Variants in ARHGEF18 observed in about 807,000 individuals in gnomAD.
ARHGEF18 encodes rho guanine nucleotide exchange factor 18.
Under a neutral mutation model 155.7 loss-of-function variants are expected in ARHGEF18, and 93 were observed. The observed-to-expected ratio is 0.60, with a 90% confidence interval of 0.50 to 0.71. The LOEUF is 0.71. Ranked by LOEUF, ARHGEF18 falls within the 30% of genes least tolerant of loss-of-function variation. The pLI is 0.00. For missense variants in ARHGEF18, 1,593 were observed against 1,816.1 expected (o/e 0.88, Z 2.23); for synonymous variants, 742 against 753.1 (o/e 0.99, Z 0.24).
chr19:7,385,819 ATCTATCTCTCTCTATCTCTCTC>A (rs1970983834), intron 10 of ARHGEF18, among the ~76,000 whole-genome samples: 1 of 89,328 alleles, frequency 1.1e-5, no homozygotes. Flanking sequence ...TAGAGATAGG[ATCTATCTCTCTCTATCTCTCTC>A]TCTCTCTCTC....
At chr19:7,464,009 C>T (rs1434885479) in intron 22 of ARHGEF18, 54 bp downstream of exon 22, 2 of 1,511,274 alleles carry the variant, frequency 1.3e-6, no homozygotes, top group African/African-American at 1.4e-5. Context: ...TCAGGATGCA[C>T]ATTAACTTGT....
At chr19:7,411,001 C>A (rs913787213) in intron 10 of ARHGEF18, among the ~76,000 whole-genome samples, 2 of 151,938 alleles carry the variant, frequency 1.3e-5, no homozygotes, top group African/African-American at 4.8e-5. Context: ...GAAATACTCA[C>A]AAGGCAGATG....
rs146617668 is a variant in ARHGEF18, at chr19:7,360,924, A to G, written c.-110-1857A>G. Among the ~76,000 whole-genome samples the G allele has an allele frequency of 1.4e-3, 216 of 152,274 alleles. 2 individuals are homozygous for G. The highest frequency in any genetic ancestry group is 5.0e-3 in the African/African-American group (208 of 41,568). On this transcript the variant is annotated intron_variant, in intron 1 of 28. Coordinates refer to ENST00000668164, the MANE Select transcript of ARHGEF18 (RefSeq NM_001367823.1). ...CGGGAGGGCAACCTGGAAAGCAGTG[A>G]TGGTGGAAACCCTGGCATTGCTCGT...
intron 10 of ARHGEF18, among the ~76,000 whole-genome samples, chr19:7,415,627 G>C (rs936415728): frequency 6.6e-6 from 1 of 151,750 alleles, no homozygotes; most frequent in African/African-American, 2.4e-5. Context: ...TTCTCTGACC[G>C]GTCCAGACCA....
chr19:7,370,683 T>C (rs1232992183), intron 2 of ARHGEF18, among the ~76,000 whole-genome samples: 2 of 152,152 alleles, frequency 1.3e-5, no homozygotes, highest in Non-Finnish European at 2.9e-5. Context: ...AGGTGTCTGC[T>C]GATGGATGGA....
chr19:7,469,085 G>A lies in ARHGEF18; in HGVS notation c.3741G>A (p.Lys1247=). 6.2e-7 allele frequency: 1 copy of A among 1,609,210 alleles called. No individual in the cohort carries two copies. The highest frequency in any genetic ancestry group is 2.2e-5 in the East Asian group (1 of 44,770). Reference sequence around the variant, plus strand: ...TGGCGGCCTCCACCAAGGGTGGCAAGGACAAGGGCGGCAAGAGCAGGGGCT... The same window carrying A: ...TGGCGGCCTCCACCAAGGGTGGCAAAGACAAGGGCGGCAAGAGCAGGGGCT... The part of the protein sequence containing the change: ...TKLAASTKGG[K]DKGGKSRGSQ... The change falls in exon 27 of 29, where the codon AAG becomes AAA. Residue 1247 remains lysine, a synonymous_variant. Transcript: ENST00000668164.
intron 5 of ARHGEF18, 30 bp from the exon 6 acceptor site, chr19:7,378,364 G>A (rs1018936922): frequency 3.2e-6 from 4 of 1,233,864 alleles, no homozygotes; most frequent in Non-Finnish European, 3.0e-6. Context: ...CCTGACAACT[G>A]TGCTTCCTGG....
intron 18 of ARHGEF18, among the ~76,000 whole-genome samples, chr19:7,457,932 C>T (rs527414102): frequency 3.3e-5 from 5 of 151,870 alleles, no homozygotes; most frequent in Non-Finnish European, 7.4e-5. Context: ...TGAGCTTTCT[C>T]GTGTGTATGT....
downstream of ARHGEF18, among the ~76,000 whole-genome samples, chr19:7,475,515 A>T (rs1977207992): frequency 6.8e-6 from 1 of 146,092 alleles, no homozygotes; most frequent in Admixed American, 6.8e-5. Context: ...TATTTCCATA[A>T]AACTGTTTAA....
At chr19:7,385,816 A>C in intron 10 of ARHGEF18, among the ~76,000 whole-genome samples, 1 of 134,820 alleles carries the variant, frequency 7.4e-6, no homozygotes, top group Non-Finnish European at 1.5e-5. Context: ...TTTTAGAGAT[A>C]GGATCTATCT....
chr19:7,471,879 CCGA>C lies in ARHGEF18; in HGVS notation c.*1586_*1588del, dbSNP rs965570145. The C allele has an allele frequency of 6.6e-6, 1 of 152,372 alleles. No homozygotes were observed. The highest frequency in any genetic ancestry group is 1.5e-5 in the Non-Finnish European group (1 of 68,086). 9.4% of individuals were successfully genotyped at this position (152,372 alleles called of 1,614,324 possible). ...AGGTGTCCCCAGGCTCCTGGCCCCT[CCGA>C]CGACCTCAACTCTGCCCAGCCCGGT... On this transcript the variant is annotated 3_prime_UTR_variant, in exon 29 of 29. Coordinates refer to ENST00000668164, the MANE Select transcript of ARHGEF18 (RefSeq NM_001367823.1). This position sits in a 1 kb window ranked among gnomAD's most constrained non-coding sequence, Gnocchi z 4.4.
chr19:7,377,267 C>T (rs1301162081), intron 5 of ARHGEF18, among the ~76,000 whole-genome samples: 3 of 152,036 alleles, frequency 2.0e-5, no homozygotes, highest in Non-Finnish European at 4.4e-5. Context: ...CACAGGGTTT[C>T]GCCATGTTGG....
chr19:7,362,965 T>A, intron 2 of ARHGEF18, 60 bp downstream of exon 2: 2 of 1,234,148 alleles, frequency 1.6e-6, no homozygotes, highest in African/African-American at 3.1e-5. Flanking sequence ...GCAAGTACAC[T>A]TTGTTTAGCA....
At chr19:7,352,115 G>A (rs1163201737) in intron 1 of ARHGEF18, among the ~76,000 whole-genome samples, 1 of 152,102 alleles carries the variant, frequency 6.6e-6, no homozygotes, top group Non-Finnish European at 1.5e-5. Flanking sequence ...CTGATTAAAT[G>A]CCAGGCCTTG....
At chr19:7,356,135 C>T (rs1336025864) in intron 1 of ARHGEF18, among the ~76,000 whole-genome samples, 2 of 152,020 alleles carry the variant, frequency 1.3e-5, no homozygotes, top group African/African-American at 4.8e-5. Flanking sequence ...CACATACACA[C>T]ACACATCGGC....
chr19:7,358,814 A>G (rs573444904), intron 1 of ARHGEF18, among the ~76,000 whole-genome samples: 3 of 152,298 alleles, frequency 2.0e-5, no homozygotes, highest in African/African-American at 7.2e-5. Context: ...CTGTGAGTAT[A>G]GAAGAGTGAA....
chr19:7,360,584 C>G (rs1165965743), intron 1 of ARHGEF18, among the ~76,000 whole-genome samples: 1 of 152,186 alleles, frequency 6.6e-6, no homozygotes, highest in East Asian at 1.9e-4. Flanking sequence ...CTTCAGGGTT[C>G]ACAGATACAG....
At chr19:7,394,672 C>A (rs1215165763) in intron 10 of ARHGEF18, among the ~76,000 whole-genome samples, 1 of 151,034 alleles carries the variant, frequency 6.6e-6, no homozygotes, top group African/African-American at 2.4e-5. Context: ...CAGGGTCCCC[C>A]TAACTGTGCT....
chr19:7,471,626 G>C lies in ARHGEF18; in HGVS notation c.*1328G>C, dbSNP rs143079962. 6.6e-6 allele frequency: 1 copy of C among 152,386 alleles called. No homozygotes were observed. Among genetic ancestry groups the C allele is most frequent in the Non-Finnish European group, 1.5e-5 (1 of 68,066 alleles). 9.4% of individuals were successfully genotyped at this position (152,386 alleles called of 1,614,324 possible). ...CAGCCCTTCTCCCACTGTGCTGGCA[G>C]AGGCACTCCTGTGACGCTGAATACA... On this transcript the variant is annotated 3_prime_UTR_variant, in exon 29 of 29. Coordinates refer to ENST00000668164, the MANE Select transcript of ARHGEF18 (RefSeq NM_001367823.1). This position sits in a 1 kb window ranked among gnomAD's most constrained non-coding sequence, Gnocchi z 4.4.
Sources: allele counts gnomAD v4.1 joint callset (sites outside exome capture counted in the v4.1 genomes callset), GRCh38; gene constraint gnomAD v4.1.1; non-coding constraint Gnocchi (gnomAD v3.1); transcripts MANE v1.5; gene names NCBI Gene and HGNC (gene_info 2026-07-23, HGNC 2026-07-21).